The following FYB2 variants were observed in gnomAD, a reference collection of about 807,000 sequenced individuals.
FYB2 encodes the protein FYN binding protein 2.
A neutral mutation model predicts 94.1 loss-of-function variants in FYB2; 103 were observed. The observed-to-expected ratio is 1.09, with a 90% CI of 0.93 to 1.29. The LOEUF is 1.29. FYB2 is among the 50% of genes most tolerant of loss of function. The pLI is 0.00. For synonymous variants in FYB2, 293 were observed against 287.9 expected (o/e 1.02, Z -0.18); for missense variants, 896 against 841.5 (o/e 1.06, Z -0.80).
Position 56,753,944 on chromosome 1 carries a change from T to C in FYB2, c.1131-9A>G, listed in dbSNP as rs1194689190. Reference sequence around the variant, plus strand: ...TATCTTCATGTTTAGCACTGAAATGTGAAGAGATACCAGGAAAAAAATGAA... The same window carrying C: ...TATCTTCATGTTTAGCACTGAAATGCGAAGAGATACCAGGAAAAAAATGAA... On this transcript the variant is annotated splice_polypyrimidine_tract_variant and intron_variant, in intron 7 of 19. Transcript: ENST00000343433. 2 of 1,516,142 alleles carry C rather than the reference T, an allele frequency of 1.3e-6. No individual in the cohort carries two copies. Among genetic ancestry groups the C allele is most frequent in the Non-Finnish European group, 1.8e-6 (2 of 1,128,594 alleles). The allele number at this position is 1,516,142 out of a possible 1,614,324, so 93.9% of individuals were successfully genotyped here.
chr1:56,754,085 A>G (rs1645267364), intron 7 of FYB2, 150 bp from the exon 8 acceptor site: 2 of 603,174 alleles, frequency 3.3e-6, no homozygotes, highest in Non-Finnish European at 5.9e-6. Context: ...GATCAGATCA[A>G]TTATATACAT....
intron 17 of FYB2, among the ~76,000 whole-genome samples, chr1:56,722,545 A>AAAT (rs1300511109): frequency 1.3e-5 from 2 of 152,102 alleles, no homozygotes; most frequent in East Asian, 3.9e-4. Flanking sequence ...GGGTCTTGAT[A>AAAT]AATGAACGAG....
intron 1 of FYB2, among the ~76,000 whole-genome samples, chr1:56,809,466 G>C (rs1015599946): frequency 6.6e-6 from 1 of 152,044 alleles, no homozygotes; most frequent in African/African-American, 2.4e-5. Flanking sequence ...CCAGAGCAGA[G>C]AAGACACTGT....
chr1:56,825,905 G>C, the FYB2 span, among the ~76,000 whole-genome samples: 1 of 152,110 alleles, frequency 6.6e-6, no homozygotes, highest in African/African-American at 2.4e-5. Flanking sequence ...CCCCAAACCT[G>C]CTCCAAGCAG....
At position 56,744,067 on chromosome 1, in the gene FYB2, C is replaced by G. The variant is rs1557600666; in HGVS notation, c.1503-1G>C. 6.2e-7 allele frequency: 1 copy of G among 1,612,642 alleles called. No homozygotes were observed. Among genetic ancestry groups the G allele is most frequent in the Non-Finnish European group, 8.5e-7 (1 of 1,179,248 alleles). On this transcript the variant is annotated splice_acceptor_variant, in intron 10 of 19. Coordinates refer to ENST00000343433, the MANE Select transcript of FYB2 (RefSeq NM_001004303.5). LOFTEE classifies it high-confidence loss of function. ...TGAGCTAGAGTAGTTCAGCTTCGGTCTATGGGAGAAAATAACAAAGACCAT... is the reference window on the plus strand; with the variant it reads ...TGAGCTAGAGTAGTTCAGCTTCGGTGTATGGGAGAAAATAACAAAGACCAT...
At position 56,719,493 on chromosome 1, in the gene FYB2, C is replaced by T; in HGVS notation, c.*178G>A. The T allele has an allele frequency of 1.8e-6, 1 of 558,640 alleles. No homozygotes were observed. The highest frequency in any genetic ancestry group is 3.1e-6 in the Non-Finnish European group (1 of 323,118). The allele number at this position is 558,640 out of a possible 1,614,324, so 34.6% of individuals were successfully genotyped here. A position where few individuals can be genotyped will look rare whatever the true frequency, so the allele number is the denominator to read the frequency against. On this transcript the variant is annotated 3_prime_UTR_variant, in exon 20 of 20. Coordinates refer to ENST00000343433, the MANE Select transcript of FYB2 (RefSeq NM_001004303.5). The stretch of plus-strand genomic sequence containing the variant: ...AAAGATAACCTTTTAGGAGTAAAAC[C>T]AACATCTAAATGTTGAGGATTTGTT...
At chr1:56,743,975 A>C (rs765230087) in intron 11 of FYB2, 51 bp downstream of exon 11, 6 of 1,556,072 alleles carry the variant, frequency 3.9e-6, no homozygotes, top group Non-Finnish European at 5.3e-6. Flanking sequence ...CAGCCATAGA[A>C]GCATTCTGCA....
intron 2 of FYB2, among the ~76,000 whole-genome samples, chr1:56,790,458 C>T (rs765335520): frequency 1.1e-4 from 16 of 152,168 alleles, no homozygotes; most frequent in African/African-American, 3.1e-4. Context: ...AGTTTACATC[C>T]GTTATCTCAC....
Position 56,751,154 on chromosome 1 carries a change from T to C in FYB2, c.1277A>G (p.His426Arg). The change falls in exon 9 of 20, where the codon CAC becomes CGC. Residue 426 changes from histidine to arginine, a missense_variant. Transcript: ENST00000343433. The part of the protein sequence containing the change: ...TPEKIQMTNV[H>R]TGRRNMLAGK... Reference sequence around the variant, plus strand: ...AGCCAACATGTTCCTTCTACCTGTGTGGACGTTGGTCATCTGAATTTTTTC... The same window carrying C: ...AGCCAACATGTTCCTTCTACCTGTGCGGACGTTGGTCATCTGAATTTTTTC... 1 of 1,612,760 alleles carries C rather than the reference T, an allele frequency of 6.2e-7. No individual in the cohort carries two copies. The highest frequency in any genetic ancestry group is 1.3e-5 in the African/African-American group (1 of 74,934).
intron 4 of FYB2, among the ~76,000 whole-genome samples, chr1:56,778,018 G>A (rs1645922178): frequency 6.6e-6 from 1 of 151,994 alleles, no homozygotes; most frequent in Admixed American, 6.6e-5. Context: ...CCCTTCCCAT[G>A]TCTCCAAGGT....
chr1:56,782,192 C>T (rs1488395221), intron 4 of FYB2, among the ~76,000 whole-genome samples: 4 of 152,002 alleles, frequency 2.6e-5, no homozygotes. Context: ...ACTGATCTAT[C>T]GAACACTAGT....
intron 4 of FYB2, among the ~76,000 whole-genome samples, chr1:56,775,845 G>A (rs547061215): frequency 1.3e-5 from 2 of 152,262 alleles, no homozygotes; most frequent in South Asian, 4.1e-4. Flanking sequence ...AGAAAAGTAT[G>A]TCTGCTAGTG....
chr1:56,737,921 T>C (rs1481311159), intron 14 of FYB2, among the ~76,000 whole-genome samples: 5 of 152,124 alleles, frequency 3.3e-5, no homozygotes, highest in Non-Finnish European at 7.4e-5. Flanking sequence ...TATATAATTG[T>C]CATTTGTCTT....
intron 4 of FYB2, among the ~76,000 whole-genome samples, chr1:56,776,094 C>G (rs1645869680): frequency 6.6e-6 from 1 of 152,086 alleles, no homozygotes; most frequent in South Asian, 2.1e-4. Flanking sequence ...GATTCCTAGT[C>G]CATTGGTTCT....
chr1:56,740,503 C>G (rs573601207), intron 13 of FYB2, among the ~76,000 whole-genome samples, 194 bp downstream of exon 13: 2 of 152,112 alleles, frequency 1.3e-5, no homozygotes, highest in East Asian at 3.9e-4. Context: ...AAGGAGCATG[C>G]CACTTTCTCA....
intron 11 of FYB2, among the ~76,000 whole-genome samples, chr1:56,743,560 C>G (rs1304667856): frequency 3.9e-4 from 60 of 151,936 alleles, no homozygotes; most frequent in Non-Finnish European, 1.5e-5. Context: ...GCTGTTGGAG[C>G]TTGGCAAATT....
At chr1:56,797,160 C>A (rs1418438) in intron 1 of FYB2, among the ~76,000 whole-genome samples, 4,685 of 152,142 alleles carry the variant, frequency 0.031, 234 homozygotes, top group African/African-American at 0.11. Context: ...CAGCCCAGAG[C>A]ATGAACACAG....
At position 56,806,710 on chromosome 1, in the gene FYB2, C is replaced by A. The variant is rs144551711; in HGVS notation, c.9+12572G>T. Among the ~76,000 whole-genome samples, 4 of 152,204 alleles carry A rather than the reference C, an allele frequency of 2.6e-5. No homozygotes were observed. In the East Asian group the frequency reaches 7.7e-4, roughly 29 times the overall value. ...AAGGGAGATAACTATTCATTGCAAA[C>A]AAATGGGGTTTATGATGTCTTTTAG... On this transcript the variant is annotated intron_variant, in intron 1 of 19. Coordinates refer to ENST00000343433, the MANE Select transcript of FYB2 (RefSeq NM_001004303.5).
At chr1:56,800,050 A>T (rs1476235965) in intron 1 of FYB2, among the ~76,000 whole-genome samples, 3 of 152,224 alleles carry the variant, frequency 2.0e-5, no homozygotes, top group Admixed American at 6.5e-5. Context: ...CCACAGGGAG[A>T]AACAATGGCA....
Sources: gnomAD v4.1 joint callset for allele counts (sites outside exome capture counted in the v4.1 genomes callset) on GRCh38, gnomAD v4.1.1 for gene constraint, MANE v1.5 for transcripts, NCBI Gene and HGNC (gene_info 2026-07-23, HGNC 2026-07-21) for gene names.